PRIM2: variants seen among roughly 807,000 people sequenced by gnomAD.
PRIM2 encodes the protein DNA primase large subunit.
In PRIM2, 39 loss-of-function variants were observed where a neutral mutation model predicts 67.3. That is an observed-to-expected ratio of 0.58 (90% CI 0.45 to 0.76). The LOEUF (loss-of-function observed/expected upper bound fraction) is 0.76, where lower values mean the gene tolerates loss of function less well. Among genes scored for constraint, PRIM2 ranks in the 30% least tolerant of loss-of-function variants. The probability of loss-of-function intolerance (pLI) is 0.00; values close to 1 mark genes in which losing one functional copy is unlikely to be tolerated. For missense variants in PRIM2, 398 were observed against 598.7 expected, an observed-to-expected ratio of 0.66 and a Z score of 3.50; for synonymous variants, 143 against 198.7, an observed-to-expected ratio of 0.72 and a Z score of 2.36.
intron 7 of PRIM2, among the ~76,000 whole-genome samples, chr6:57,468,869 C>T (rs1234661265): frequency 6.6e-6 from 1 of 152,124 alleles, no homozygotes; most frequent in Non-Finnish European, 1.5e-5. Flanking sequence ...TGTTCAGGGC[C>T]AAGGCTAATG....
At chr6:57,505,570 G>A (rs1346463552) in intron 7 of PRIM2, among the ~76,000 whole-genome samples, 3 of 152,160 alleles carry the variant, frequency 2.0e-5, no homozygotes, top group Admixed American at 6.6e-5. Flanking sequence ...GAGCCAGAGG[G>A]AATTACTAGA....
intron 7 of PRIM2, among the ~76,000 whole-genome samples, chr6:57,398,505 G>A (rs1437359898): frequency 3.3e-5 from 5 of 152,120 alleles, no homozygotes; most frequent in Non-Finnish European, 5.9e-5. Context: ...ATGGTGGTCC[G>A]TGAGTGTGTT....
At chr6:57,439,489 C>T (rs1334421141) in intron 7 of PRIM2, among the ~76,000 whole-genome samples, 1 of 137,910 alleles carries the variant, frequency 7.3e-6, no homozygotes, top group Non-Finnish European at 1.5e-5. Context: ...CATCACGGCT[C>T]ACTGCAAACT....
At chr6:57,493,672 T>C (rs1388018269) in intron 7 of PRIM2, among the ~76,000 whole-genome samples, 1 of 152,212 alleles carries the variant, frequency 6.6e-6, no homozygotes, top group Non-Finnish European at 1.5e-5. Context: ...ACATGCAAGA[T>C]GAAAATCTCT....
chr6:57,380,782 C>A (rs112261436), intron 6 of PRIM2, among the ~76,000 whole-genome samples: 1,883 of 146,836 alleles, frequency 0.013, 20 homozygotes, highest in African/African-American at 0.038. Context: ...TTACACCACA[C>A]ATTTCCAGTT....
intron 10 of PRIM2, among the ~76,000 whole-genome samples, chr6:57,583,225 T>C (rs1264797231): frequency 3.3e-5 from 5 of 150,186 alleles, no homozygotes; most frequent in African/African-American, 1.2e-4. Flanking sequence ...ATGTGCACAG[T>C]GTGCAGGTTT....
chr6:57,617,542 C>T (rs1438885446), intron 12 of PRIM2, among the ~76,000 whole-genome samples: 4 of 152,034 alleles, frequency 2.6e-5, no homozygotes, highest in Non-Finnish European at 5.9e-5. Flanking sequence ...GCTTTTTGGC[C>T]ATTTGTACAT....
chr6:57,582,588 T>C (rs1232062933), intron 10 of PRIM2, among the ~76,000 whole-genome samples: 3 of 152,188 alleles, frequency 2.0e-5, no homozygotes, highest in Non-Finnish European at 4.4e-5. Context: ...TTTCTTTAAA[T>C]AGTAGATAAC....
chr6:57,316,042 A>AC (rs1248752110), upstream of PRIM2, among the ~76,000 whole-genome samples: 1 of 152,212 alleles, frequency 6.6e-6, no homozygotes, highest in Non-Finnish European at 1.5e-5. Flanking sequence ...GAATTGGTGT[A>AC]GTGAGATCGT....
At chr6:57,424,738 G>A (rs1472456834) in intron 7 of PRIM2, among the ~76,000 whole-genome samples, 2 of 152,164 alleles carry the variant, frequency 1.3e-5, no homozygotes, top group Non-Finnish European at 2.9e-5. Context: ...GAAGAAATTA[G>A]AATGTGCATT....
chr6:57,441,691 T>A lies in PRIM2; in HGVS notation c.693+59523T>A, dbSNP rs1772208328. Among the ~76,000 whole-genome samples, 3 of 152,340 alleles carry A rather than the reference T, an allele frequency of 2.0e-5. No homozygotes were observed. The South Asian group carries it at 6.2e-4, about 32-fold the overall frequency. The stretch of plus-strand genomic sequence containing the variant: ...AAAAGTTAGGCATACACAAGCAGTT[T>A]GTCAAATAAATGTTTCTGGATTAGA... On this transcript the variant is annotated intron_variant, in intron 7 of 13. Coordinates refer to ENST00000615550, the MANE Select transcript of PRIM2 (RefSeq NM_000947.5).
chr6:57,464,541 T>C, intron 7 of PRIM2, among the ~76,000 whole-genome samples: 1 of 152,176 alleles, frequency 6.6e-6, no homozygotes, highest in African/African-American at 2.4e-5. Context: ...CCCCAGTGTG[T>C]TGAGATTACA....
At chr6:57,301,865 T>C in the PRIM2 span, among the ~76,000 whole-genome samples, 27 of 152,136 alleles carry the variant, frequency 1.8e-4, no homozygotes, top group African/African-American at 6.5e-4. Flanking sequence ...TACCTAACAA[T>C]AAACCTGCAG....
chr6:57,288,865 T>A, the PRIM2 span, among the ~76,000 whole-genome samples: 4 of 152,232 alleles, frequency 2.6e-5, no homozygotes, highest in Admixed American at 2.6e-4. Flanking sequence ...GCAGAAAAGC[T>A]GAAAATTCCA....
At chr6:57,260,219 C>T in the PRIM2 span, among the ~76,000 whole-genome samples, 1 of 152,156 alleles carries the variant, frequency 6.6e-6, no homozygotes, top group Non-Finnish European at 1.5e-5. Flanking sequence ...AACTGCATCC[C>T]AGGTCCAAAA....
At chr6:57,526,545 G>A (rs1381393893) in intron 8 of PRIM2, among the ~76,000 whole-genome samples, 7 of 152,122 alleles carry the variant, frequency 4.6e-5, no homozygotes, top group Non-Finnish European at 8.8e-5. Flanking sequence ...AGTCGTTAAT[G>A]ACATAATTTG....
At chr6:57,438,776 TC>T (rs1279524864) in intron 7 of PRIM2, among the ~76,000 whole-genome samples, 1 of 152,178 alleles carries the variant, frequency 6.6e-6, no homozygotes, top group East Asian at 1.9e-4. Flanking sequence ...ATTTTTTTTT[TC>T]TTTTTTTTTG....
At chr6:57,475,167 G>A (rs1200520497) in intron 7 of PRIM2, among the ~76,000 whole-genome samples, 15 of 152,062 alleles carry the variant, frequency 9.9e-5, no homozygotes, top group South Asian at 4.1e-4. Flanking sequence ...TTTTCTTTTA[G>A]CCTCCTCCCT....
chr6:57,401,777 C>T (rs1034851003), intron 7 of PRIM2, among the ~76,000 whole-genome samples: 1 of 152,164 alleles, frequency 6.6e-6, no homozygotes, highest in African/African-American at 2.4e-5. Flanking sequence ...GTGGCCCCAG[C>T]CAGGGGTTCT....
Sources: allele counts gnomAD v4.1 joint callset (sites outside exome capture counted in the v4.1 genomes callset), GRCh38; gene constraint gnomAD v4.1.1; transcripts MANE v1.5; gene names NCBI Gene and HGNC (gene_info 2026-07-23, HGNC 2026-07-21).